The following TEAD2 variants were observed in gnomAD, a reference collection of about 807,000 sequenced individuals.
TEAD2 encodes the protein transcriptional enhancer factor TEF-4.
In TEAD2, 51 loss-of-function variants were observed where a neutral mutation model predicts 61.4. The observed-to-expected ratio is 0.83, with a 90% CI of 0.66 to 1.05. TEAD2 has a LOEUF of 1.05. TEAD2 is among the 50% of genes least tolerant of loss of function. TEAD2 has a pLI of 0.00. For synonymous variants in TEAD2, 244 were observed against 243.2 expected (o/e 1.00, Z -0.03); for missense variants, 509 against 600.0 (o/e 0.85, Z 1.58).
chr19:49,356,741 C>T (rs1040233262), intron 4 of TEAD2, among the ~76,000 whole-genome samples: 2 of 152,020 alleles, frequency 1.3e-5, no homozygotes, highest in African/African-American at 4.8e-5. Flanking sequence ...AGGGAGGGGA[C>T]CGACGGCCCA....
chr19:49,344,859 G>A (rs1294459773), intron 10 of TEAD2, among the ~76,000 whole-genome samples: 1 of 152,142 alleles, frequency 6.6e-6, no homozygotes, highest in Non-Finnish European at 1.5e-5. Context: ...GTAGACAGCT[G>A]GCCAAGTGTC....
chr19:49,355,405 C>G lies in TEAD2; in HGVS notation c.387G>C (p.Lys129Asn). 6.2e-7 allele frequency: 1 copy of G among 1,614,106 alleles called. No homozygotes were observed. The highest frequency in any genetic ancestry group is 8.5e-7 in the Non-Finnish European group (1 of 1,180,016). Residue 129 changes from lysine (K) to asparagine (N), a missense_variant, in exon 6 of 13, where the codon AAG becomes AAC. Coordinates refer to ENST00000593945, the MANE Select transcript of TEAD2 (RefSeq NM_001256660.2). ...LKALNVDQVS[K>N]DKAFQTMATM... is the part of the protein sequence containing the mutation. ...TTGCCATTGTCTGGAAAGCCTTGTC[C>G]TTGGAAACCTGGTCCTGGAGGAGGA...
chr19:49,362,209 A>C (rs1244461906), intron 1 of TEAD2, 124 bp downstream of exon 1: 1 of 152,602 alleles, frequency 6.6e-6, no homozygotes, highest in East Asian at 1.9e-4. Context: ...CTCCTCACTG[A>C]GGCTCGGTCA....
At position 49,355,950 on chromosome 19, in the gene TEAD2, G is replaced by A; in HGVS notation, c.372+9C>T. On this transcript the variant is annotated intron_variant, in intron 5 of 12. Coordinates refer to ENST00000593945, the MANE Select transcript of TEAD2 (RefSeq NM_001256660.2). ...GAGCGTGGGTGGGAGGATGGGCAGA[G>A]GAACTTACCACGTTCAGAGCCTGCC... The A allele has an allele frequency of 7.9e-7, 1 of 1,264,102 alleles. No homozygotes were observed. Among genetic ancestry groups the A allele is most frequent in the Admixed American group, 3.8e-5 (1 of 26,244 alleles). 78.3% of individuals were successfully genotyped at this position (1,264,102 alleles called of 1,614,324 possible).
intron 4 of TEAD2, 123 bp downstream of exon 4, chr19:49,357,129 T>G (rs2047414599): frequency 2.1e-6 from 2 of 941,694 alleles, no homozygotes; most frequent in East Asian, 3.1e-5. Context: ...TCTCTGGGTC[T>G]CAGTCCTCCC....
chr19:49,358,656 T>C (rs7248729), intron 3 of TEAD2, among the ~76,000 whole-genome samples: 4,373 of 148,274 alleles, frequency 0.029, 204 homozygotes, highest in African/African-American at 0.092. Context: ...TTTTTTGAGG[T>C]GGAGTCTGGC....
intron 3 of TEAD2, among the ~76,000 whole-genome samples, chr19:49,357,924 CCT>C (rs1298779583): frequency 6.6e-6 from 1 of 152,280 alleles, no homozygotes; most frequent in Admixed American, 6.5e-5. Flanking sequence ...ATGGTGAAAC[CCT>C]GTCTCTACTA....
At position 49,342,550 on chromosome 19, in the gene TEAD2, C is replaced by G. The variant is rs772454011; in HGVS notation, c.1130G>C (p.Arg377Pro). The change falls in exon 12 of 13, where the codon CGC (arginine) becomes CCC (proline). Residue 377 changes from arginine (R) to proline (P), a missense_variant. By Grantham distance (103) the Arg-to-Pro change is moderately radical. Coordinates refer to ENST00000593945, the MANE Select transcript of TEAD2 (RefSeq NM_001256660.2). ...CTCGCACATGGGCGAGCGCAGCAGGCGGTACACAAATCTGCCGTCCTCCAG... is the reference window on the plus strand; with the variant it reads ...CTCGCACATGGGCGAGCGCAGCAGGGGGTACACAAATCTGCCGTCCTCCAG... ...AQLEDGRFVY[R>P]LLRSPMCEYL... 1.9e-6 allele frequency: 3 copies of G among 1,613,836 alleles called. No homozygotes were observed.
Position 49,341,905 on chromosome 19 carries a change from C to T in TEAD2, c.1243-468G>A, listed in dbSNP as rs1242967830. On this transcript the variant is annotated intron_variant, in intron 12 of 12. Coordinates refer to ENST00000593945, the MANE Select transcript of TEAD2 (RefSeq NM_001256660.2). The surrounding 1 kb of genome is among the most constrained non-coding windows in gnomAD (Gnocchi z 4.2). ...GAGGGACCCACCTTATGTGCGAGTG[C>T]TGTGGGGCTGGGCGTGGTGGCTCAC... Among the ~76,000 whole-genome samples the T allele has an allele frequency of 6.6e-6, 1 of 152,026 alleles. No homozygotes were observed. Among genetic ancestry groups the T allele is most frequent in the Non-Finnish European group, 1.5e-5 (1 of 67,998 alleles).
chr19:49,348,965 C>G lies in TEAD2; in HGVS notation c.605-120G>C. Reference sequence around the variant, plus strand: ...AAAAGCTAAATACTCACTTTCCCAGCCTCCCTTGCAGTTAGAAGTGGCCAT... The same window carrying G: ...AAAAGCTAAATACTCACTTTCCCAGGCTCCCTTGCAGTTAGAAGTGGCCAT... On this transcript the variant is annotated intron_variant, in intron 8 of 12. Transcript: ENST00000593945. The G allele has an allele frequency of 2.2e-6, 3 of 1,346,786 alleles. No homozygotes were observed. In the African/African-American group the frequency reaches 4.5e-5, roughly 20 times the overall value. The allele number at this position is 1,346,786 out of a possible 1,614,324, so 83.4% of individuals were successfully genotyped here. A position where few individuals can be genotyped will look rare whatever the true frequency, so the allele number is the denominator to read the frequency against.
chr19:49,354,044 C>T (rs1326505358), intron 7 of TEAD2, among the ~76,000 whole-genome samples: 4 of 151,080 alleles, frequency 2.6e-5, no homozygotes, highest in Admixed American at 6.6e-5. Flanking sequence ...GTGATCCACC[C>T]GCCTCAGCCT....
rs1971234760 is a variant in TEAD2, at chr19:49,341,182, G to A, written c.*142C>T. The A allele has an allele frequency of 2.8e-6, 2 of 702,516 alleles. No individual in the cohort carries two copies. Among genetic ancestry groups the A allele is most frequent in the Non-Finnish European group, 4.8e-6 (2 of 419,686 alleles). The allele number at this position is 702,516 out of a possible 1,614,324, so 43.5% of individuals were successfully genotyped here. On this transcript the variant is annotated 3_prime_UTR_variant, in exon 13 of 13. Transcript: ENST00000593945. This position sits in a 1 kb window ranked among gnomAD's most constrained non-coding sequence, Gnocchi z 4.2. ...GTTTTGGGGGCCCCTCTAATGGGGGGGATGGCCCCAGTTGCTTAGGCCTCT... is the reference window on the plus strand; with the variant it reads ...GTTTTGGGGGCCCCTCTAATGGGGGAGATGGCCCCAGTTGCTTAGGCCTCT...
rs1372595755 is a variant in TEAD2, at chr19:49,359,193, G to A, written c.297+242C>T. On this transcript the variant is annotated intron_variant, in intron 3 of 12. Transcript: ENST00000593945. This position sits in a 1 kb window ranked among gnomAD's most constrained non-coding sequence, Gnocchi z 4.1. The stretch of plus-strand genomic sequence containing the variant: ...GCAGAGGTTGCAGTGAGCCAAGATC[G>A]CGCCACTGCACTCCGGCCTGGGCAA... 2.4e-5 allele frequency: 11 copies of A among 451,004 alleles called. No homozygotes were observed. Among genetic ancestry groups the A allele is most frequent in the African/African-American group, 6.0e-5 (3 of 50,284 alleles). The allele number at this position is 451,004 out of a possible 1,614,324, so 27.9% of individuals were successfully genotyped here.
At chr19:49,358,767 G>A (rs1351171529) in intron 3 of TEAD2, among the ~76,000 whole-genome samples, 1 of 151,376 alleles carries the variant, frequency 6.6e-6, no homozygotes, top group African/African-American at 2.4e-5. Context: ...CGAGTAGCTG[G>A]GATTATGGGC....
At chr19:49,351,242 G>A in intron 8 of TEAD2, 59 bp downstream of exon 8, 1 of 1,499,704 alleles carries the variant, frequency 6.7e-7, no homozygotes, top group Non-Finnish European at 9.1e-7. Context: ...TTGAAGGAAA[G>A]GCAGTAGGGG....
chr19:49,350,815 T>C (rs976758745), intron 8 of TEAD2, among the ~76,000 whole-genome samples: 1 of 151,772 alleles, frequency 6.6e-6, no homozygotes, highest in African/African-American at 2.4e-5. Flanking sequence ...ACCACTCAGC[T>C]CTCCAGCCCC....
chr19:49,356,640 C>T (rs960620249), intron 4 of TEAD2, among the ~76,000 whole-genome samples: 5 of 151,864 alleles, frequency 3.3e-5, no homozygotes, highest in African/African-American at 7.3e-5. Flanking sequence ...GAGGCCTTCA[C>T]AGCACAAGAG....
chr19:49,350,625 G>A (rs915396212), intron 8 of TEAD2, among the ~76,000 whole-genome samples: 6 of 151,958 alleles, frequency 3.9e-5, no homozygotes, highest in African/African-American at 1.2e-4. Context: ...GTGAGCCACC[G>A]CACCTGCCTC....
At chr19:49,347,133 C>T in intron 10 of TEAD2, 57 bp downstream of exon 10, 1 of 1,596,350 alleles carries the variant, frequency 6.3e-7, no homozygotes, top group East Asian at 2.2e-5. Flanking sequence ...GGCCAGAGGC[C>T]TTTGCTGGGA....
Sources: allele counts gnomAD v4.1 joint callset (sites outside exome capture counted in the v4.1 genomes callset), GRCh38; gene constraint gnomAD v4.1.1; non-coding constraint Gnocchi (gnomAD v3.1); transcripts MANE v1.5; gene names NCBI Gene and HGNC (gene_info 2026-07-23, HGNC 2026-07-21).